The following ANKRD44 variants were observed in gnomAD, a reference collection of about 807,000 sequenced individuals.
ANKRD44 encodes serine/threonine-protein phosphatase 6 regulatory ankyrin repeat subunit B.
A neutral mutation model predicts 116.0 loss-of-function variants in ANKRD44; 35 were observed. That is an observed-to-expected ratio of 0.30 (90% CI 0.23 to 0.40). ANKRD44 has a LOEUF of 0.40. Among genes scored for constraint, ANKRD44 ranks in the 10% least tolerant of loss-of-function variants. The pLI, the probability that ANKRD44 is intolerant of heterozygous loss-of-function variation, is 1.00. For synonymous variants in ANKRD44, 435 were observed against 461.8 expected (o/e 0.94, Z 0.74); for missense variants, 1,014 against 1,242.6 (o/e 0.82, Z 2.77).
chr2:197,153,000 T>G (rs1056487619), intron 2 of ANKRD44, among the ~76,000 whole-genome samples: 3 of 152,012 alleles, frequency 2.0e-5, no homozygotes, highest in Admixed American at 1.3e-4. Context: ...ATGGATGGCT[T>G]AAGCCCAGGA....
intron 8 of ANKRD44, among the ~76,000 whole-genome samples, chr2:197,116,589 G>T (rs1204946061): frequency 1.3e-5 from 2 of 152,080 alleles, no homozygotes; most frequent in Admixed American, 1.3e-4. Flanking sequence ...ACTCCTTCCT[G>T]TCTCCTCTAA....
Position 197,143,194 on chromosome 2 carries a change from AT to A in ANKRD44, c.190+3832del, listed in dbSNP as rs1487061550. 1.4e-4 allele frequency among the ~76,000 whole-genome samples: 17 copies of A among 124,240 alleles called. No individual in the cohort carries two copies. The East Asian group carries it at 1.5e-3, about 11-fold the overall frequency. 81.5% of individuals were successfully genotyped at this position (124,240 alleles called of 152,430 possible). On this transcript the variant is annotated intron_variant, in intron 3 of 27. Transcript: ENST00000282272. ...GGAGTCTTTTTTTTATTTTTTATTTATTTTTTTATTTTATTATTATTATACT... is the reference window on the plus strand; with the variant it reads ...GGAGTCTTTTTTTTATTTTTTATTTATTTTTTATTTTATTATTATTATACT...
At chr2:197,261,439 A>C (rs1976965) in intron 1 of ANKRD44, among the ~76,000 whole-genome samples, 124,570 of 150,922 alleles carry the variant, frequency 0.83, 51,522 homozygotes, top group South Asian at 0.89. Context: ...TGGTCTATAT[A>C]TCTGTTTTGG....
intron 14 of ANKRD44, among the ~76,000 whole-genome samples, chr2:197,082,393 A>G (rs924091130): frequency 2.6e-5 from 4 of 152,238 alleles, no homozygotes; most frequent in Non-Finnish European, 1.5e-5. Flanking sequence ...TTTTCAAACT[A>G]TGGATCATAA....
At position 197,013,105 on chromosome 2, in the gene ANKRD44, C is replaced by T. The variant is rs576283467; in HGVS notation, c.1924+406G>A. Among the ~76,000 whole-genome samples, 9 of 152,248 alleles carry T rather than the reference C, an allele frequency of 5.9e-5. 1 individual carries two copies. The highest frequency in any genetic ancestry group is 7.2e-5 in the African/African-American group (3 of 41,534). The stretch of plus-strand genomic sequence containing the variant: ...GATTGCTGCCTTATGATTCCTTATG[C>T]GAAATAGCCCTGAATACATTAATAT... On this transcript the variant is annotated intron_variant, in intron 18 of 27. Coordinates refer to ENST00000282272, the MANE Select transcript of ANKRD44 (RefSeq NM_001195144.2).
intron 4 of ANKRD44, chr2:197,136,144 A>G: frequency 5.4e-6 from 1 of 185,544 alleles, no homozygotes; most frequent in Admixed American, 5.5e-5. Context: ...TACCTCACTG[A>G]GGCCCCCATT....
chr2:197,220,282 G>T (rs2081553761), intron 1 of ANKRD44, among the ~76,000 whole-genome samples: 1 of 152,026 alleles, frequency 6.6e-6, no homozygotes, highest in Non-Finnish European at 1.5e-5. Flanking sequence ...CATTAATATG[G>T]ATAAATATTT....
intron 1 of ANKRD44, among the ~76,000 whole-genome samples, chr2:197,195,577 A>G (rs565867061): frequency 6.6e-6 from 1 of 152,198 alleles, no homozygotes; most frequent in Non-Finnish European, 1.5e-5. Flanking sequence ...ATTTTGGCCC[A>G]GCATCTTGGC....
At chr2:197,017,083 C>T (rs1308745447) in intron 17 of ANKRD44, among the ~76,000 whole-genome samples, 1 of 152,044 alleles carries the variant, frequency 6.6e-6, no homozygotes, top group Non-Finnish European at 1.5e-5. Context: ...TGGTCATGCC[C>T]AGTATTAGAT....
intron 16 of ANKRD44, among the ~76,000 whole-genome samples, chr2:197,060,259 C>T (rs2077282444): frequency 6.6e-6 from 1 of 152,142 alleles, no homozygotes; most frequent in Non-Finnish European, 1.5e-5. Context: ...TGGCACATAG[C>T]AGTATCCAGC....
At chr2:197,041,238 T>C (rs1365228501) in intron 16 of ANKRD44, among the ~76,000 whole-genome samples, 1 of 152,180 alleles carries the variant, frequency 6.6e-6, no homozygotes, top group Admixed American at 6.5e-5. Flanking sequence ...AATGAACTCT[T>C]CTTAGGCTCC....
intron 16 of ANKRD44, among the ~76,000 whole-genome samples, chr2:197,048,788 A>G (rs11679454): frequency 0.63 from 95,740 of 152,008 alleles, 31,568 homozygotes; most frequent in East Asian, 0.84. Context: ...GGTTGAACTA[A>G]TTTACACTCC....
At chr2:197,273,487 C>T (rs185754019) in intron 1 of ANKRD44, among the ~76,000 whole-genome samples, 2 of 152,330 alleles carry the variant, frequency 1.3e-5, no homozygotes, top group East Asian at 1.9e-4. Flanking sequence ...AACACACAGT[C>T]GCCAAAATGC....
rs1471981071 is a variant in ANKRD44 at position 197,036,510 on chromosome 2, C to T, written c.1651-11243G>A. Reference sequence around the variant, plus strand: ...CTGACCTCAAATGATCCACCTCAGCCTCCCAAAGTGCTGGGATTATAGGCG... The same window carrying T: ...CTGACCTCAAATGATCCACCTCAGCTTCCCAAAGTGCTGGGATTATAGGCG... On this transcript the variant is annotated intron_variant, in intron 16 of 27. Coordinates refer to ENST00000282272, the MANE Select transcript of ANKRD44 (RefSeq NM_001195144.2). Among the ~76,000 whole-genome samples, 7 of 152,144 alleles carry T rather than the reference C, an allele frequency of 4.6e-5. No individual in the cohort carries two copies. The South Asian group carries it at 1.5e-3, about 32-fold the overall frequency.
chr2:197,064,788 C>T (rs2077395018), intron 16 of ANKRD44, among the ~76,000 whole-genome samples: 1 of 152,140 alleles, frequency 6.6e-6, no homozygotes, highest in African/African-American at 2.4e-5. Flanking sequence ...TACAGGAGCA[C>T]CCAGATTCAC....
chr2:197,147,298 A>C (rs1025741032), intron 2 of ANKRD44, among the ~76,000 whole-genome samples, 193 bp from the exon 3 acceptor site: 1 of 151,802 alleles, frequency 6.6e-6, no homozygotes, highest in African/African-American at 2.4e-5. Flanking sequence ...AAAGCATTCC[A>C]TTTTCTGTGT....
At position 197,039,698 on chromosome 2, in the gene ANKRD44, T is replaced by C. The variant is rs1428110998; in HGVS notation, c.1651-14431A>G. On this transcript the variant is annotated intron_variant, in intron 16 of 27. Transcript: ENST00000282272. ...GTGTGTGCGTGTGTGTGTGTGTGTGTGTGTGTGTGTGTGTGTGTGTGTGTG... is the reference window on the plus strand; with the variant it reads ...GTGTGTGCGTGTGTGTGTGTGTGTGCGTGTGTGTGTGTGTGTGTGTGTGTG... Among the ~76,000 whole-genome samples the C allele has an allele frequency of 3.4e-5, 5 of 149,244 alleles. 1 individual carries two copies. The highest frequency in any genetic ancestry group is 1.2e-4 in the African/African-American group (5 of 40,684).
intron 13 of ANKRD44, among the ~76,000 whole-genome samples, chr2:197,086,038 A>G (rs1392349145): frequency 6.6e-6 from 1 of 152,098 alleles, no homozygotes; most frequent in Admixed American, 6.6e-5. Flanking sequence ...ACTGACATGA[A>G]TCTGAAAGGG....
At chr2:197,167,464 G>A (rs2080125140) in intron 2 of ANKRD44, among the ~76,000 whole-genome samples, 1 of 152,120 alleles carries the variant, frequency 6.6e-6, no homozygotes, top group Non-Finnish European at 1.5e-5. Flanking sequence ...TCTTATCTAA[G>A]AGCTAGACCA....
Sources: gnomAD v4.1 joint callset for allele counts (sites outside exome capture counted in the v4.1 genomes callset) on GRCh38, gnomAD v4.1.1 for gene constraint, MANE v1.5 for transcripts, NCBI Gene and HGNC (gene_info 2026-07-23, HGNC 2026-07-21) for gene names.